Variants in HERC2 observed in about 807,000 individuals in gnomAD.
The protein encoded by HERC2 is HECT and RLD domain containing E3 ubiquitin protein ligase 2.
Under a neutral mutation model 537.7 loss-of-function variants are expected in HERC2, and 102 were observed. The observed-to-expected ratio is 0.19, with a 90% CI of 0.16 to 0.22. The LOEUF is 0.22. Among genes scored for constraint, HERC2 ranks in the 10% least tolerant of loss-of-function variants. The probability of loss-of-function intolerance (pLI) is 1.00; values close to 1 mark genes in which losing one functional copy is unlikely to be tolerated. For missense variants in HERC2, 4,236 were observed against 6,198.2 expected (o/e 0.68, Z 10.63); for synonymous variants, 2,224 against 2,466.2 (o/e 0.90, Z 2.91).
Position 28,160,260 on chromosome 15 carries a change from T to C in HERC2, c.10746+2834A>G, listed in dbSNP as rs377028850. On this transcript the variant is annotated intron_variant, in intron 69 of 92. Coordinates refer to ENST00000261609, the MANE Select transcript of HERC2 (RefSeq NM_004667.6). ...GGAGAACCACTACTCTCTTCAAAGC[T>C]GTCAGACAGGGACATTTAAGTCTGC... Among the ~76,000 whole-genome samples the C allele has an allele frequency of 1.8e-4, 27 of 152,342 alleles. 1 individual carries two copies. The highest frequency in any genetic ancestry group is 6.8e-3 in the Middle Eastern group (2 of 294).
chr15:28,112,832 G>A (rs1277029681), intron 92 of HERC2, among the ~76,000 whole-genome samples: 1 of 152,200 alleles, frequency 6.6e-6, no homozygotes, highest in Non-Finnish European at 1.5e-5. Context: ...GGCTGACACA[G>A]CAGTGATGTA....
intron 2 of HERC2, among the ~76,000 whole-genome samples, chr15:28,304,038 C>T (rs1301887887): frequency 2.0e-5 from 3 of 152,008 alleles, no homozygotes; most frequent in East Asian, 3.9e-4. Flanking sequence ...TGGTGGCAGG[C>T]GCCTGTAATG....
chr15:28,286,912 G>A, intron 4 of HERC2, among the ~76,000 whole-genome samples: 1 of 152,104 alleles, frequency 6.6e-6, no homozygotes, highest in Non-Finnish European at 1.5e-5. Flanking sequence ...GTGTCCAGAG[G>A]TCTCCTTGGA....
intron 4 of HERC2, among the ~76,000 whole-genome samples, chr15:28,284,786 A>C (rs1342280730): frequency 2.0e-5 from 3 of 152,014 alleles, no homozygotes; most frequent in Middle Eastern, 3.4e-3. Context: ...GTGATGGCAG[A>C]TGCCTATAAT....
At chr15:28,144,052 ATG>A in intron 73 of HERC2, 23 bp downstream of exon 73, 2 of 1,614,192 alleles carry the variant, frequency 1.2e-6, no homozygotes, top group Admixed American at 3.3e-5. Flanking sequence ...AGGAAGACAG[ATG>A]TAACTGTAAT....
At chr15:28,202,011 T>A (rs1237345708) in intron 47 of HERC2, 102 bp downstream of exon 47, 4 of 1,158,660 alleles carry the variant, frequency 3.5e-6, no homozygotes, top group Non-Finnish European at 5.0e-6. Context: ...ACAGTAGATA[T>A]AGTTAATTCT....
At chr15:28,119,361 CT>C (rs1888628121) in intron 86 of HERC2, among the ~76,000 whole-genome samples, 1 of 141,830 alleles carries the variant, frequency 7.1e-6, no homozygotes, top group African/African-American at 3.0e-5. Flanking sequence ...GATTGCACCA[CT>C]GTACTCCAGG....
chr15:28,253,824 T>C (rs2075163879), intron 20 of HERC2, among the ~76,000 whole-genome samples: 1 of 150,346 alleles, frequency 6.7e-6, no homozygotes. Flanking sequence ...CAGCCAGGTG[T>C]GGTTGCGGAC....
At chr15:28,255,748 TA>T in intron 19 of HERC2, 123 bp downstream of exon 19, 3 of 1,073,616 alleles carry the variant, frequency 2.8e-6, no homozygotes, top group East Asian at 5.2e-5. Flanking sequence ...AATTTTAATT[TA>T]AAAAATACTT....
chr15:28,233,814 G>A lies in HERC2; in HGVS notation c.4219-18C>T. On this transcript the variant is annotated intron_variant, in intron 27 of 92. Transcript: ENST00000261609. ...AAAAAGTCCTGCAACAGAAACAGCT[G>A]GAAGTAACTTCAGAGCCACCCAGTG... 1 of 1,611,814 alleles carries A rather than the reference G, an allele frequency of 6.2e-7. No homozygotes were observed. Among genetic ancestry groups the A allele is most frequent in the Middle Eastern group, 2.2e-4 (1 of 4,504 alleles).
rs141650481 is a variant in HERC2 at position 28,199,708 on chromosome 15, C to G, written c.7717-939G>C. Among the ~76,000 whole-genome samples, 587 of 152,242 alleles carry G rather than the reference C, an allele frequency of 3.9e-3. 6 individuals are homozygous for G. Among genetic ancestry groups the G allele is most frequent in the African/African-American group, 0.013 (558 of 41,544 alleles). ...GCAGGCTGACAAGACCTAACCCACC[C>G]AACCCTGCTTGCCTGTTGAGATGGG... On this transcript the variant is annotated intron_variant, in intron 48 of 92. Coordinates refer to ENST00000261609, the MANE Select transcript of HERC2 (RefSeq NM_004667.6).
At chr15:28,139,835 C>T (rs1213775636) in intron 78 of HERC2, among the ~76,000 whole-genome samples, 1 of 150,324 alleles carries the variant, frequency 6.7e-6, no homozygotes, top group East Asian at 2.0e-4. Flanking sequence ...CCAAGGTGGT[C>T]GGATCACAAG....
chr15:28,284,992 T>C (rs2076119168), intron 4 of HERC2, among the ~76,000 whole-genome samples: 2 of 146,350 alleles, frequency 1.4e-5, no homozygotes, highest in South Asian at 2.1e-4. Flanking sequence ...AAATGAGAAC[T>C]TGGTCAATCC....
At chr15:28,282,000 C>T (rs2076031244) in intron 4 of HERC2, among the ~76,000 whole-genome samples, 2 of 152,186 alleles carry the variant, frequency 1.3e-5, no homozygotes, top group South Asian at 2.1e-4. Context: ...CTGCTTATTC[C>T]GTCGCAATCC....
At chr15:28,202,710 T>C in intron 45 of HERC2, 96 bp from the exon 46 acceptor site, 1 of 441,502 alleles carries the variant, frequency 2.3e-6, no homozygotes, top group Non-Finnish European at 3.8e-6. Context: ...TACTGTGAAC[T>C]GCAGTATGCA....
At chr15:28,211,913 A>G (rs1480865087) in intron 43 of HERC2, among the ~76,000 whole-genome samples, 2 of 152,230 alleles carry the variant, frequency 1.3e-5, no homozygotes, top group Non-Finnish European at 2.9e-5. Context: ...CTTCCAGGAC[A>G]TAAAGAATGA....
chr15:28,235,535 G>A (rs1051457974), intron 26 of HERC2, among the ~76,000 whole-genome samples: 3 of 152,070 alleles, frequency 2.0e-5, no homozygotes, highest in Non-Finnish European at 2.9e-5. Flanking sequence ...CTCCTTCCCC[G>A]CAAGCCTTCT....
Position 28,279,144 on chromosome 15 carries a change from A to T in HERC2, c.542+924T>A, listed in dbSNP as rs138614414. ...GTAGCTGGGATTACAGGCATGAGCC[A>T]CCAAGCCCCGGCTAATTTTTTTATT... On this transcript the variant is annotated intron_variant, in intron 5 of 92. Transcript: ENST00000261609. 6.2e-3 allele frequency among the ~76,000 whole-genome samples: 943 copies of T among 152,176 alleles called. 9 individuals carry two copies. Among genetic ancestry groups the T allele is most frequent in the African/African-American group, 0.022 (916 of 41,516 alleles).
chr15:28,144,213 G>C lies in HERC2; in HGVS notation c.11163C>G (p.Asp3721Glu). 1 of 1,614,122 alleles carries C rather than the reference G, an allele frequency of 6.2e-7. No homozygotes were observed. The highest frequency in any genetic ancestry group is 8.5e-7 in the Non-Finnish European group (1 of 1,180,044). ...TGGATGGACAGGAGAGGACGCAGCG[G>C]TCAGAGAGGAGTTCTTTAGGGCCTG... ...PAAGPKELLSDRCVLSCPSMD... is the reference protein window; with the variant it reads ...PAAGPKELLSERCVLSCPSMD... Residue 3721 changes from aspartate (D) to glutamate (E), a missense_variant, in exon 73 of 93, where the codon GAC (aspartate) becomes GAG (glutamate). Around this residue, in one of 27 missense-constraint regions of HERC2, gnomAD observed 109 missense variants for 133.5 expected, o/e 0.82. Coordinates refer to ENST00000261609, the MANE Select transcript of HERC2 (RefSeq NM_004667.6).
Sources: allele counts gnomAD v4.1 joint callset (sites outside exome capture counted in the v4.1 genomes callset), GRCh38; gene constraint gnomAD v4.1.1; regional missense constraint gnomAD v4.1.1; transcripts MANE v1.5; gene names NCBI Gene and HGNC (gene_info 2026-07-23, HGNC 2026-07-21).